The following UCHL3 variants were observed in gnomAD, a reference collection of about 807,000 sequenced individuals.
UCHL3 encodes ubiquitin C-terminal hydrolase L3, also known as ubiquitin carboxyl-terminal hydrolase isozyme L3.
UCHL3 carries 22 observed loss-of-function variants against 35.8 expected under a neutral mutation model. The ratio of observed to expected loss-of-function variants is 0.61; its 90% CI spans 0.44 to 0.88. The LOEUF (loss-of-function observed/expected upper bound fraction) is 0.88. UCHL3 is among the 40% of genes least tolerant of loss of function. The pLI, the probability that UCHL3 is intolerant of heterozygous loss-of-function variation, is 0.00. For synonymous variants in UCHL3, 90 were observed against 92.8 expected (o/e 0.97, Z 0.17); for missense variants, 229 against 276.9 (o/e 0.83, Z 1.23).
At chr13:75,586,798 A>G (rs12859711) in intron 6 of UCHL3, among the ~76,000 whole-genome samples, 16,118 of 151,960 alleles carry the variant, frequency 0.11, 1,155 homozygotes, top group Non-Finnish European at 0.16. Context: ...AGGAATCACA[A>G]GAGAAATTAG....
intron 6 of UCHL3, among the ~76,000 whole-genome samples, chr13:75,579,582 C>T (rs1156483095): frequency 6.6e-6 from 1 of 151,786 alleles, no homozygotes; most frequent in Admixed American, 6.6e-5. Context: ...CTCTCCTTTC[C>T]TCCCCCCTTC....
At chr13:75,569,240 A>G (rs958538334) in intron 5 of UCHL3, 5 of 382,660 alleles carry the variant, frequency 1.3e-5, no homozygotes, top group Admixed American at 4.5e-5. Context: ...CAGATATTCA[A>G]TTTCCTAAGT....
At chr13:75,555,592 C>T (rs190537243) in intron 2 of UCHL3, among the ~76,000 whole-genome samples, 130 of 147,230 alleles carry the variant, frequency 8.8e-4, no homozygotes, top group African/African-American at 2.7e-3. Flanking sequence ...AGCATTCTAT[C>T]TCTTAAAGTG....
chr13:75,552,868 A>T (rs2031161729), intron 2 of UCHL3, among the ~76,000 whole-genome samples: 1 of 152,210 alleles, frequency 6.6e-6, no homozygotes, highest in Non-Finnish European at 1.5e-5. Context: ...TGAGTACAGT[A>T]CAACCACATT....
chr13:75,568,255 T>C (rs1006476388), intron 5 of UCHL3, among the ~76,000 whole-genome samples: 31 of 152,152 alleles, frequency 2.0e-4, no homozygotes, highest in African/African-American at 7.0e-4. Flanking sequence ...ACAAATTATT[T>C]GGTTAGAACA....
chr13:75,570,916 A>AT (rs2031834681), intron 6 of UCHL3, among the ~76,000 whole-genome samples: 1 of 151,960 alleles, frequency 6.6e-6, no homozygotes, highest in African/African-American at 2.4e-5. Flanking sequence ...TGTCTCTATA[A>AT]AATATATATA....
intron 2 of UCHL3, among the ~76,000 whole-genome samples, chr13:75,556,092 A>C (rs887329817): frequency 6.6e-6 from 1 of 152,188 alleles, no homozygotes; most frequent in African/African-American, 2.4e-5. Flanking sequence ...TTTTCTGCTG[A>C]GTAATCTATG....
chr13:75,590,765 T>C (rs1169958181), intron 6 of UCHL3, among the ~76,000 whole-genome samples: 10 of 152,196 alleles, frequency 6.6e-5, no homozygotes, highest in Non-Finnish European at 1.5e-5. Context: ...TCCTTGTGTA[T>C]TGATGTAGGC....
Position 75,594,930 on chromosome 13 carries a change from G to A in UCHL3, c.490G>A (p.Glu164Lys), listed in dbSNP as rs200687621. 6.2e-7 allele frequency: 1 copy of A among 1,606,922 alleles called. No homozygotes were observed. The highest frequency in any genetic ancestry group is 8.5e-7 in the Non-Finnish European group (1 of 1,178,344). ...CCTATTCCAGGCACCAAGTATAGAT[G>A]AGAAAGTAGATCTTCATTTTATTGC... ...EGQTEAPSID[E>K]KVDLHFIALV... is the part of the protein sequence containing the mutation. The change falls in exon 7 of 9, where the codon GAG (glutamate) becomes AAG (lysine). Residue 164 changes from glutamate (E) to lysine (K), a missense_variant. Coordinates refer to ENST00000377595, the MANE Select transcript of UCHL3 (RefSeq NM_006002.5).
intron 6 of UCHL3, among the ~76,000 whole-genome samples, chr13:75,593,597 G>T (rs2032568653): frequency 6.6e-6 from 1 of 152,134 alleles, no homozygotes; most frequent in East Asian, 1.9e-4. Context: ...TGCAGTACTG[G>T]AGCAACAATA....
At chr13:75,577,796 A>G (rs2032067807) in intron 6 of UCHL3, among the ~76,000 whole-genome samples, 1 of 152,206 alleles carries the variant, frequency 6.6e-6, no homozygotes, top group Admixed American at 6.5e-5. Context: ...CCAAAAGGGT[A>G]TTTTATTTGC....
At chr13:75,576,530 G>A (rs4885316) in intron 6 of UCHL3, among the ~76,000 whole-genome samples, 150,483 of 151,950 alleles carry the variant, frequency 0.99, 74,532 homozygotes, top group Middle Eastern at 1. Context: ...AATTTTTTGT[G>A]TTTTTAGTAG....
intron 6 of UCHL3, among the ~76,000 whole-genome samples, chr13:75,589,745 T>G (rs1447304951): frequency 6.6e-6 from 1 of 152,182 alleles, no homozygotes; most frequent in Non-Finnish European, 1.5e-5. Flanking sequence ...GCATATAACC[T>G]GATACTTGGT....
intron 2 of UCHL3, among the ~76,000 whole-genome samples, chr13:75,552,341 ACT>A (rs2031140936): frequency 6.6e-6 from 1 of 152,166 alleles, no homozygotes; most frequent in East Asian, 1.9e-4. Flanking sequence ...TATCCATCCC[ACT>A]CTCTTTTATT....
chr13:75,600,389 A>G (rs779642636), intron 7 of UCHL3, among the ~76,000 whole-genome samples: 2 of 152,212 alleles, frequency 1.3e-5, no homozygotes, highest in Non-Finnish European at 2.9e-5. Context: ...GGAGATGTCA[A>G]CACCTGCCTT....
At chr13:75,596,514 G>T (rs762512699) in intron 7 of UCHL3, among the ~76,000 whole-genome samples, 5 of 152,126 alleles carry the variant, frequency 3.3e-5, no homozygotes, top group Non-Finnish European at 5.9e-5. Flanking sequence ...GAAATAAAGA[G>T]TGCTGGGACT....
At chr13:75,566,498 A>G (rs2031235) in intron 3 of UCHL3, among the ~76,000 whole-genome samples, 197 bp from the exon 4 acceptor site, 87,528 of 152,050 alleles carry the variant, frequency 0.58, 27,015 homozygotes, top group Non-Finnish European at 0.69. Context: ...CTTTTTCCCC[A>G]TACCTTCACC....
intron 3 of UCHL3, among the ~76,000 whole-genome samples, chr13:75,561,830 C>T (rs1444679788): frequency 6.3e-5 from 2 of 31,766 alleles, no homozygotes; most frequent in African/African-American, 1.2e-4. Flanking sequence ...TATATACGTA[C>T]GTATATACGT....
At chr13:75,560,609 C>T (rs554080686) in intron 2 of UCHL3, 144 bp from the exon 3 acceptor site, 4 of 735,358 alleles carry the variant, frequency 5.4e-6, no homozygotes, top group East Asian at 6.3e-5. Context: ...ATGTCAGTTA[C>T]ATTTGTATTT....
Sources: allele counts gnomAD v4.1 joint callset (sites outside exome capture counted in the v4.1 genomes callset), GRCh38; gene constraint gnomAD v4.1.1; transcripts MANE v1.5; gene names NCBI Gene and HGNC (gene_info 2026-07-23, HGNC 2026-07-21).